The following FRMD4A variants were observed in gnomAD, a reference collection of about 807,000 sequenced individuals.
FRMD4A encodes the protein FERM domain-containing protein 4A.
A neutral mutation model predicts 129.1 loss-of-function variants in FRMD4A; 29 were observed. That is an observed-to-expected ratio of 0.22 (90% CI 0.17 to 0.31). FRMD4A has a LOEUF of 0.31. Ranked by LOEUF, FRMD4A falls within the 10% of genes least tolerant of loss-of-function variation. The pLI is 1.00. For missense variants in FRMD4A, 1,272 were observed against 1,375.8 expected, an observed-to-expected ratio of 0.92 and a Z score of 1.19; for synonymous variants, 634 against 571.6, an observed-to-expected ratio of 1.11 and a Z score of -1.56.
chr10:13,687,796 A>AC (rs1197606799), intron 15 of FRMD4A, among the ~76,000 whole-genome samples: 2 of 152,282 alleles, frequency 1.3e-5, no homozygotes, highest in African/African-American at 4.8e-5. Context: ...GGCACTGAGC[A>AC]CCTGCACAAA....
intron 2 of FRMD4A, among the ~76,000 whole-genome samples, chr10:13,990,016 T>C (rs1358636340): frequency 6.6e-6 from 1 of 152,156 alleles, no homozygotes; most frequent in African/African-American, 2.4e-5. Flanking sequence ...CCATTTAGAT[T>C]CGCTCTGGAG....
At chr10:14,073,744 C>G (rs1451542257) in intron 2 of FRMD4A, among the ~76,000 whole-genome samples, 1 of 152,080 alleles carries the variant, frequency 6.6e-6, no homozygotes, top group Non-Finnish European at 1.5e-5. Context: ...ACCCACTGGT[C>G]AAGATGAAAT....
Position 13,695,455 on chromosome 10 carries a change from T to C in FRMD4A, c.976-1416A>G, listed in dbSNP as rs149995756. On this transcript the variant is annotated intron_variant, in intron 14 of 24. Transcript: ENST00000357447. Reference sequence around the variant, plus strand: ...CGCGCCTGGCTAAAGCAGTGGTTTTTATAAGGTATCTGCTCCAGTTTCTAC... The same window carrying C: ...CGCGCCTGGCTAAAGCAGTGGTTTTCATAAGGTATCTGCTCCAGTTTCTAC... 3.3e-3 allele frequency among the ~76,000 whole-genome samples: 508 copies of C among 152,350 alleles called. 2 individuals carry two copies. The highest frequency in any genetic ancestry group is 0.011 in the African/African-American group (462 of 41,580).
intron 2 of FRMD4A, among the ~76,000 whole-genome samples, chr10:14,155,854 ATTC>A (rs1840570153): frequency 6.6e-6 from 1 of 152,222 alleles, no homozygotes; most frequent in African/African-American, 2.4e-5. Flanking sequence ...ATAGAAACAC[ATTC>A]TTTCTTTTTT....
At chr10:13,820,077 G>C (rs540593470) in intron 3 of FRMD4A, among the ~76,000 whole-genome samples, 2 of 152,292 alleles carry the variant, frequency 1.3e-5, no homozygotes, top group East Asian at 3.9e-4. Context: ...AGAGACCTGA[G>C]TGATGAGTGA....
chr10:13,925,062 T>TAAAA (rs57484737), intron 2 of FRMD4A, among the ~76,000 whole-genome samples: 30,495 of 102,548 alleles, frequency 0.3, 5,293 homozygotes, highest in East Asian at 0.71. Flanking sequence ...AGACTCCGTG[T>TAAAA]AAAAAAAAAA....
intron 2 of FRMD4A, among the ~76,000 whole-genome samples, chr10:13,890,105 C>G (rs912139028): frequency 2.6e-5 from 4 of 152,216 alleles, no homozygotes; most frequent in Non-Finnish European, 5.9e-5. Flanking sequence ...ACTTTGAGAA[C>G]CAAACCAGAT....
At chr10:13,943,137 C>A (rs1200962979) in intron 2 of FRMD4A, among the ~76,000 whole-genome samples, 2 of 152,090 alleles carry the variant, frequency 1.3e-5, no homozygotes, top group Non-Finnish European at 2.9e-5. Flanking sequence ...ACCGTGCTTT[C>A]TCACACGGCA....
intron 2 of FRMD4A, among the ~76,000 whole-genome samples, chr10:14,201,896 T>G (rs1001464030): frequency 6.6e-6 from 1 of 152,126 alleles, no homozygotes; most frequent in Non-Finnish European, 1.5e-5. Flanking sequence ...TTTGGGAGGC[T>G]GAGGCGGCTG....
intron 3 of FRMD4A, among the ~76,000 whole-genome samples, chr10:13,841,391 C>A (rs534297790): frequency 1.7e-4 from 26 of 152,254 alleles, no homozygotes; most frequent in African/African-American, 4.8e-4. Context: ...TTTACGCTAA[C>A]GAGAATGACT....
At chr10:14,076,258 T>C (rs1290341188) in intron 2 of FRMD4A, among the ~76,000 whole-genome samples, 5 of 152,108 alleles carry the variant, frequency 3.3e-5, no homozygotes. Flanking sequence ...TTTTCCAGCA[T>C]GGTGAAAGAT....
intron 2 of FRMD4A, among the ~76,000 whole-genome samples, chr10:13,943,691 G>GA (rs2095311205): frequency 8.6e-6 from 1 of 116,670 alleles, no homozygotes; most frequent in Non-Finnish European, 1.9e-5. Flanking sequence ...AAAAAGAAAA[G>GA]AAAGAAAGAA....
intron 2 of FRMD4A, among the ~76,000 whole-genome samples, chr10:14,157,568 T>C (rs951393349): frequency 1.1e-4 from 16 of 152,212 alleles, no homozygotes; most frequent in African/African-American, 3.6e-4. Flanking sequence ...AATGTCATCA[T>C]TGTCCCCATC....
At chr10:14,237,655 GAGAGACAGAC>G (rs1245545064) in intron 2 of FRMD4A, among the ~76,000 whole-genome samples, 5 of 152,222 alleles carry the variant, frequency 3.3e-5, no homozygotes, top group African/African-American at 1.2e-4. Context: ...GCTGTTGAGA[GAGAGACAGAC>G]AGAGACAGAG....
At chr10:13,671,986 T>A (rs2083544994) in intron 16 of FRMD4A, among the ~76,000 whole-genome samples, 1 of 152,266 alleles carries the variant, frequency 6.6e-6, no homozygotes, top group African/African-American at 2.4e-5. Context: ...CAGGGCTGAG[T>A]GCCCAGCAGG....
rs1428596094 is a variant in FRMD4A, at chr10:13,901,807, G to A, written c.46-42895C>T. ...CCTCCCAGCCCCAGGGAGAACAGGC[G>A]AGTGAGCTTCTCAGAGCGGGGACAG... On this transcript the variant is annotated intron_variant, in intron 2 of 24. Transcript: ENST00000357447. 7.2e-5 allele frequency among the ~76,000 whole-genome samples: 11 copies of A among 152,242 alleles called. No homozygotes were observed. In the South Asian group the frequency reaches 8.3e-4, roughly 12 times the overall value.
At chr10:13,878,822 G>GGGAAGGAAGGAAGGAGGGAAGGAAGGAA (rs2094517087) in intron 2 of FRMD4A, among the ~76,000 whole-genome samples, 1 of 140,774 alleles carries the variant, frequency 7.1e-6, no homozygotes, top group African/African-American at 2.7e-5. Context: ...GAGGGAGGGA[G>GGGAAGGAAGGAAGGAGGGAAGGAAGGAA]GGAAGGAAGG....
At chr10:14,238,123 C>T (rs1054043767) in intron 2 of FRMD4A, among the ~76,000 whole-genome samples, 1 of 152,228 alleles carries the variant, frequency 6.6e-6, no homozygotes, top group Admixed American at 6.5e-5. Context: ...AACAACAAGG[C>T]ACCAGTTACA....
At chr10:13,781,368 C>CTTTTT (rs1161094661) in intron 6 of FRMD4A, among the ~76,000 whole-genome samples, 25 of 70,708 alleles carry the variant, frequency 3.5e-4, no homozygotes, top group East Asian at 9.0e-4. Flanking sequence ...ATGGATGAAC[C>CTTTTT]TTTTTTTTTT....
Sources: gnomAD v4.1 joint callset for allele counts (sites outside exome capture counted in the v4.1 genomes callset) on GRCh38, gnomAD v4.1.1 for gene constraint, MANE v1.5 for transcripts, NCBI Gene and HGNC (gene_info 2026-07-23, HGNC 2026-07-21) for gene names.